RIMS2: variants seen among roughly 807,000 people sequenced by gnomAD.
The protein encoded by RIMS2 is regulating synaptic membrane exocytosis 2.
A neutral mutation model predicts 174.4 loss-of-function variants in RIMS2; 59 were observed. The ratio of observed to expected loss-of-function variants is 0.34; its 90% CI spans 0.27 to 0.42. The LOEUF is 0.42. RIMS2 is among the 10% of genes least tolerant of loss of function. The pLI is 1.00. For synonymous variants in RIMS2, 606 were observed against 572.5 expected (o/e 1.06, Z -0.84); for missense variants, 1,620 against 1,666.3 (o/e 0.97, Z 0.48).
intron 3 of RIMS2, among the ~76,000 whole-genome samples, chr8:103,854,554 GT>G (rs896510478): frequency 5.5e-4 from 79 of 144,146 alleles, no homozygotes; most frequent in Admixed American, 7.0e-4. Context: ...TTTGTTGAGG[GT>G]TTTTTTTTTT....
intron 20 of RIMS2, among the ~76,000 whole-genome samples, chr8:104,246,168 A>G (rs2099329162): frequency 6.6e-6 from 1 of 152,170 alleles, no homozygotes; most frequent in Non-Finnish European, 1.5e-5. Flanking sequence ...AATACCCATA[A>G]ATTCATTCAA....
At chr8:104,099,961 G>T (rs1448988591) in intron 19 of RIMS2, among the ~76,000 whole-genome samples, 1 of 151,698 alleles carries the variant, frequency 6.6e-6, no homozygotes, top group African/African-American at 2.4e-5. Context: ...GTGACTACAG[G>T]GTCACGCCAT....
At chr8:103,982,957 A>T (rs1228498554) in intron 16 of RIMS2, among the ~76,000 whole-genome samples, 1 of 152,242 alleles carries the variant, frequency 6.6e-6, no homozygotes, top group African/African-American at 2.4e-5. Flanking sequence ...TTAGAAGTCA[A>T]GTTATCCTTG....
chr8:103,876,878 A>ATAT (rs1426694026), intron 3 of RIMS2, among the ~76,000 whole-genome samples: 9 of 32,458 alleles, frequency 2.8e-4, no homozygotes, highest in Non-Finnish European at 5.6e-4. Flanking sequence ...ATATATATAT[A>ATAT]TATATATATA....
chr8:103,855,975 T>C (rs1396612169), intron 3 of RIMS2, among the ~76,000 whole-genome samples: 1 of 152,160 alleles, frequency 6.6e-6, no homozygotes, highest in East Asian at 1.9e-4. Flanking sequence ...CTCACTATTA[T>C]TGTGTGGTTG....
chr8:104,155,830 T>C (rs2098720615), intron 19 of RIMS2, among the ~76,000 whole-genome samples: 1 of 152,184 alleles, frequency 6.6e-6, no homozygotes, highest in African/African-American at 2.4e-5. Flanking sequence ...TCACTCCTAG[T>C]TAAGCTCTTC....
chr8:103,541,273 A>G (rs984211781), intron 1 of RIMS2, among the ~76,000 whole-genome samples: 11 of 152,218 alleles, frequency 7.2e-5, no homozygotes, highest in African/African-American at 2.7e-4. Flanking sequence ...ACGTAGTTAC[A>G]GTAAGGCCAA....
At chr8:104,135,479 G>A (rs886296539) in intron 19 of RIMS2, among the ~76,000 whole-genome samples, 2 of 151,896 alleles carry the variant, frequency 1.3e-5, no homozygotes, top group African/African-American at 2.4e-5. Context: ...GGTGGTGCAT[G>A]TCTGTAGTCC....
Position 104,173,667 on chromosome 8 carries a change from C to T in RIMS2, c.3335-71249C>T, listed in dbSNP as rs548793075. On this transcript the variant is annotated intron_variant, in intron 19 of 23. Coordinates refer to ENST00000504942, the Ensembl canonical transcript of RIMS2. ...TTTTTGAGATGGAGTCTCGCTCTGT[C>T]GCCCAGGCTGGAGTGCAGTGGTGCG... Among the ~76,000 whole-genome samples, 5 of 104,464 alleles carry T rather than the reference C, an allele frequency of 4.8e-5. No individual in the cohort carries two copies. In the East Asian group the frequency reaches 9.4e-4, roughly 20 times the overall value. The allele number at this position is 104,464 out of a possible 152,430, so 68.5% of individuals were successfully genotyped here. A position where few individuals can be genotyped will look rare whatever the true frequency, so the allele number is the denominator to read the frequency against.
At chr8:104,158,352 A>G (rs1296522709) in intron 19 of RIMS2, among the ~76,000 whole-genome samples, 1 of 152,168 alleles carries the variant, frequency 6.6e-6, no homozygotes, top group Non-Finnish European at 1.5e-5. Context: ...GTGCCGCAAT[A>G]AACATATGTG....
At chr8:103,525,230 T>C (rs1217775602) in intron 1 of RIMS2, among the ~76,000 whole-genome samples, 8 of 152,216 alleles carry the variant, frequency 5.3e-5, no homozygotes, top group Admixed American at 1.3e-4. Context: ...AGAAAAACTT[T>C]GAAAGTGTGA....
At chr8:103,762,691 G>A (rs2098125037) in intron 2 of RIMS2, among the ~76,000 whole-genome samples, 1 of 152,136 alleles carries the variant, frequency 6.6e-6, no homozygotes, top group Admixed American at 6.6e-5. Context: ...CTACAATTGT[G>A]TTGCTAATGA....
intron 1 of RIMS2, among the ~76,000 whole-genome samples, chr8:103,666,483 A>C (rs1045313870): frequency 6.6e-6 from 1 of 152,194 alleles, no homozygotes; most frequent in African/African-American, 2.4e-5. Context: ...TCTCACTAGA[A>C]AATAGCAGAA....
intron 2 of RIMS2, among the ~76,000 whole-genome samples, chr8:103,749,575 C>G (rs2097861063): frequency 6.6e-6 from 1 of 151,996 alleles, no homozygotes; most frequent in African/African-American, 2.4e-5. Flanking sequence ...TTGTATTAGT[C>G]TGTTCTCATG....
intron 19 of RIMS2, 52 bp from the exon 26 acceptor site, chr8:104,244,864 T>G (rs2099321941): frequency 2.7e-6 from 4 of 1,491,570 alleles, no homozygotes; most frequent in East Asian, 2.3e-5. Flanking sequence ...CTGATATTTC[T>G]TACCACATAG....
chr8:104,036,893 T>A (rs368860867), intron 19 of RIMS2, among the ~76,000 whole-genome samples: 127 of 152,030 alleles, frequency 8.4e-4, no homozygotes, highest in African/African-American at 2.7e-3. Context: ...AAAAAGTAAA[T>A]AAAAAATAAC....
At chr8:103,830,963 G>A (rs1269998595) in intron 3 of RIMS2, among the ~76,000 whole-genome samples, 6 of 152,068 alleles carry the variant, frequency 3.9e-5, no homozygotes, top group East Asian at 1.9e-4. Context: ...GCAAGCCACC[G>A]CACCTGGCTA....
At chr8:104,242,497 C>G (rs57506399) in intron 19 of RIMS2, among the ~76,000 whole-genome samples, 1 of 152,142 alleles carries the variant, frequency 6.6e-6, no homozygotes, top group Non-Finnish European at 1.5e-5. Context: ...CAAGTACACT[C>G]GTAGCATTTG....
At chr8:103,985,714 G>A (rs1292631837) in intron 16 of RIMS2, among the ~76,000 whole-genome samples, 2 of 151,930 alleles carry the variant, frequency 1.3e-5, no homozygotes, top group Non-Finnish European at 2.9e-5. Context: ...GAATTGATAT[G>A]GAATGAAACT....
Sources: allele counts gnomAD v4.1 joint callset (sites outside exome capture counted in the v4.1 genomes callset), GRCh38; gene constraint gnomAD v4.1.1; transcripts MANE v1.5; gene names NCBI Gene and HGNC (gene_info 2026-07-23, HGNC 2026-07-21).